ZNF835: variants seen among roughly 807,000 people sequenced by gnomAD.
The protein encoded by ZNF835 is zinc finger protein 835.
For synonymous variants in ZNF835, 323 were observed against 324.7 expected, an observed-to-expected ratio of 0.99 and a Z score of 0.06; for missense variants, 783 against 758.4, an observed-to-expected ratio of 1.03 and a Z score of -0.38.
At chr19:56,667,599 G>A (rs1390047931) in intron 1 of ZNF835, among the ~76,000 whole-genome samples, 2 of 152,228 alleles carry the variant, frequency 1.3e-5, no homozygotes, top group East Asian at 3.9e-4. Context: ...AGTAGGCTGT[G>A]TGCATACAGC....
In ZNF835 at chr19:56,664,616, G is replaced by C. The variant is rs1386409457; in HGVS notation, c.583C>G (p.Arg195Gly). The change falls in exon 2 of 2, where the codon CGC (arginine) becomes GGC (glycine). Residue 195 changes from arginine (R) to glycine (G), a missense_variant. By Grantham distance (125) the Arg-to-Gly change is moderately radical. Transcript: ENST00000537055. ...AAGGCCTTGCCGCAGTCGGCGCAGCGGTGCGGCTTCTCGCCCGTGTGCGTG... is the reference window on the plus strand; with the variant it reads ...AAGGCCTTGCCGCAGTCGGCGCAGCCGTGCGGCTTCTCGCCCGTGTGCGTG... The part of the protein sequence containing the change: ...WRTHTGEKPH[R>G]CADCGKAFTR... 1.2e-6 allele frequency: 2 copies of C among 1,604,228 alleles called. No homozygotes were observed. The highest frequency in any genetic ancestry group is 1.3e-5 in the African/African-American group (1 of 74,160).
rs2045247659 is a variant in ZNF835, at chr19:56,666,567, GT to G, written c.-47-1323del. Reference sequence around the variant, plus strand: ...TCTCAGACTCCCAGCCTCTAGCACTGTGAAGAAATAAGTGTTTATTGCTTCA... The same window carrying G: ...TCTCAGACTCCCAGCCTCTAGCACTGGAAGAAATAAGTGTTTATTGCTTCA... On this transcript the variant is annotated intron_variant, in intron 1 of 1. Transcript: ENST00000537055. Among the ~76,000 whole-genome samples, 5 of 152,310 alleles carry G rather than the reference GT, an allele frequency of 3.3e-5. No individual in the cohort carries two copies. The South Asian group carries it at 1.0e-3, about 32-fold the overall frequency.
chr19:56,663,846 G>T lies in ZNF835; in HGVS notation c.1353C>A (p.Cys451Ter). 6.2e-7 allele frequency: 1 copy of T among 1,613,690 alleles called. No individual in the cohort carries two copies. The highest frequency in any genetic ancestry group is 8.5e-7 in the Non-Finnish European group (1 of 1,179,944). Residue 451 changes from cysteine (C) to a stop codon, truncating the protein, a stop_gained, in exon 2 of 2, where the codon TGC (cysteine) becomes TGA (stop). Coordinates refer to ENST00000537055, the MANE Select transcript of ZNF835 (RefSeq NM_001005850.3). LOFTEE classifies it low-confidence loss of function (END_TRUNC). ...TGERPYTCPE[C>*]GKAFSNRSYL... is the part of the protein sequence containing the mutation. Reference sequence around the variant, plus strand: ...AGGAGCGGTTGCTGAAGGCCTTGCCGCACTCGGGGCAGGTGTAGGGCCGCT... The same window carrying T: ...AGGAGCGGTTGCTGAAGGCCTTGCCTCACTCGGGGCAGGTGTAGGGCCGCT...
rs777718864 is a variant in ZNF835 at position 56,664,799 on chromosome 19, C to T, written c.400G>A (p.Gly134Arg). Reference sequence around the variant, plus strand: ...TCGGGGCACGCAAATGGCTTCTCCCCGGTGTGGATTCTCTGGTGTAAGATG... The same window carrying T: ...TCGGGGCACGCAAATGGCTTCTCCCTGGTGTGGATTCTCTGGTGTAAGATG... ...AFILHQRIHT[G>R]EKPFACPECG... is the part of the protein sequence containing the mutation. The change falls in exon 2 of 2, where the codon GGG (glycine) becomes AGG (arginine). Residue 134 changes from glycine (G) to arginine (R), a missense_variant. Coordinates refer to ENST00000537055, the MANE Select transcript of ZNF835 (RefSeq NM_001005850.3). 15 of 1,611,176 alleles carry T rather than the reference C, an allele frequency of 9.3e-6. No individual in the cohort carries two copies. Among genetic ancestry groups the T allele is most frequent in the East Asian group, 8.9e-5 (4 of 44,826 alleles).
Position 56,663,791 on chromosome 19 carries a change from C to G in ZNF835, c.1408G>C (p.Gly470Arg). The G allele has an allele frequency of 1.2e-6, 2 of 1,614,070 alleles. No individual in the cohort carries two copies. Among genetic ancestry groups the G allele is most frequent in the Non-Finnish European group, 1.7e-6 (2 of 1,179,980 alleles). The change falls in exon 2 of 2, where the codon GGG becomes CGG. Residue 470 changes from glycine (G) to arginine (R), a missense_variant. By Grantham distance (125) the Gly-to-Arg change is moderately radical. Transcript: ENST00000537055. ...YLIQHHIVHT[G>R]EKPYECSGCG... is the part of the protein sequence containing the mutation. ...CCGCTGCACTCGTAGGGCTTCTCCC[C>G]GGTGTGCACGATGTGGTGCTGGATC...
At chr19:56,670,368 A>G (rs994586628) in intron 1 of ZNF835, among the ~76,000 whole-genome samples, 6 of 152,114 alleles carry the variant, frequency 3.9e-5, no homozygotes, top group African/African-American at 1.4e-4. Context: ...ACAGGGTCAT[A>G]CACAATCATA....
Position 56,665,174 on chromosome 19 carries a change from G to A in ZNF835, c.25C>T (p.Leu9Phe). The A allele has an allele frequency of 1.2e-6, 2 of 1,613,988 alleles. No homozygotes were observed. Among genetic ancestry groups the A allele is most frequent in the Non-Finnish European group, 1.7e-6 (2 of 1,179,886 alleles). The change falls in exon 2 of 2, where the codon CTC becomes TTC. Residue 9 changes from leucine (L) to phenylalanine (F), a missense_variant. Leu to Phe is a conservative substitution (Grantham distance 22, BLOSUM62 0). Coordinates refer to ENST00000537055, the MANE Select transcript of ZNF835 (RefSeq NM_001005850.3). MEGLLSVA[L>F]QGAELEGNWK... is the part of the protein sequence containing the mutation. ...TTTCCTTCCAACTCTGCGCCCTGGA[G>A]GGCGACGCTCAAGAGTCCCTCCATC...
Position 56,665,087 on chromosome 19 carries a change from C to CT in ZNF835, c.111dup (p.Glu38ArgfsTer19). Reference sequence around the variant, plus strand: ...GGGTCTCCCTTGCAGGCCACGGCCTCTGGCTCTGGACAGCTTTCCTGGTTT... The same window carrying CT: ...GGGTCTCCCTTGCAGGCCACGGCCTCTTGGCTCTGGACAGCTTTCCTGGTTT... On this transcript the variant is annotated frameshift_variant, in exon 2 of 2. Coordinates refer to ENST00000537055, the MANE Select transcript of ZNF835 (RefSeq NM_001005850.3). LOFTEE classifies it low-confidence loss of function (END_TRUNC). 1 of 1,614,024 alleles carries CT rather than the reference C, an allele frequency of 6.2e-7. No individual in the cohort carries two copies. The highest frequency in any genetic ancestry group is 2.2e-5 in the East Asian group (1 of 44,876).
At chr19:56,670,972 C>A (rs1258937185) in intron 1 of ZNF835, among the ~76,000 whole-genome samples, 2 of 152,394 alleles carry the variant, frequency 1.3e-5, no homozygotes, top group African/African-American at 4.8e-5. Flanking sequence ...GAGCACATAA[C>A]ACACCGATAA....
At chr19:56,665,338 T>C in intron 1 of ZNF835, 93 bp from the exon 2 acceptor site, 1 of 1,140,912 alleles carries the variant, frequency 8.8e-7, no homozygotes, top group Non-Finnish European at 1.3e-6. Flanking sequence ...GAACTTAGCA[T>C]GGGGTCCCTG....
chr19:56,668,406 C>G (rs2045263779), intron 1 of ZNF835, among the ~76,000 whole-genome samples: 1 of 142,262 alleles, frequency 7.0e-6, no homozygotes, highest in Admixed American at 7.5e-5. Flanking sequence ...TGCTCTGTTG[C>G]TCAGGCTGGA....
intron 1 of ZNF835, among the ~76,000 whole-genome samples, chr19:56,667,159 G>A (rs1330138401): frequency 1.3e-5 from 2 of 152,226 alleles, no homozygotes; most frequent in African/African-American, 2.4e-5. Flanking sequence ...CATAACAGAA[G>A]CCATACATAT....
At position 56,663,989 on chromosome 19, in the gene ZNF835, A is replaced by G. The variant is rs1453860233; in HGVS notation, c.1210T>C (p.Ser404Pro). 1.2e-6 allele frequency: 2 copies of G among 1,610,124 alleles called. No individual in the cohort carries two copies. Among genetic ancestry groups the G allele is most frequent in the Non-Finnish European group, 1.7e-6 (2 of 1,178,442 alleles). ...QCGAAFSHVS[S>P]LIEHQKIHTG... ...TGGATCTTCTGGTGCTCTATAAGCG[A>G]GGACACGTGGCTGAAGGCGGCCCCG... is the stretch of plus-strand genomic sequence containing the variant. The change falls in exon 2 of 2, where the codon TCG (serine) becomes CCG (proline). Residue 404 changes from serine to proline, a missense_variant. Ser to Pro is a moderately conservative substitution (Grantham distance 74). Transcript: ENST00000537055.
rs2045236947 is a variant in ZNF835, at chr19:56,665,390, T to TGGTG, written c.-47-149_-47-146dup. ...ACATTTTGGGTCCAATAATTTGGTG[T>TGGTG]GGTGGGACCCATCCTGTGTGTTGTG... On this transcript the variant is annotated intron_variant, in intron 1 of 1. Coordinates refer to ENST00000537055, the MANE Select transcript of ZNF835 (RefSeq NM_001005850.3). 137 of 818,736 alleles carry TGGTG rather than the reference T, an allele frequency of 1.7e-4. No homozygotes were observed. The South Asian group carries it at 1.8e-3, about 11-fold the overall frequency. 50.7% of individuals were successfully genotyped at this position (818,736 alleles called of 1,614,324 possible).
intron 1 of ZNF835, among the ~76,000 whole-genome samples, chr19:56,670,333 T>C (rs1312128023): frequency 1.3e-5 from 2 of 152,046 alleles, no homozygotes; most frequent in African/African-American, 4.8e-5. Flanking sequence ...GGAAGACACA[T>C]GCATTACATC....
rs546688706 is a variant in ZNF835, at chr19:56,663,378, C to T, written c.*207G>A. 7.7e-6 allele frequency: 5 copies of T among 645,944 alleles called. No homozygotes were observed. The highest frequency in any genetic ancestry group is 6.1e-5 in the South Asian group (3 of 49,254). 40.0% of individuals were successfully genotyped at this position (645,944 alleles called of 1,614,324 possible). Reference sequence around the variant, plus strand: ...AGGTGTTTCTGCAGGTCTACTTGCCCGTGCCCCATTTATAATTTTGCACCA... The same window carrying T: ...AGGTGTTTCTGCAGGTCTACTTGCCTGTGCCCCATTTATAATTTTGCACCA... On this transcript the variant is annotated 3_prime_UTR_variant, in exon 2 of 2. Coordinates refer to ENST00000537055, the MANE Select transcript of ZNF835 (RefSeq NM_001005850.3).
At position 56,664,448 on chromosome 19, in the gene ZNF835, C is replaced by G. The variant is rs562824788; in HGVS notation, c.751G>C (p.Glu251Gln). ...AAGGCCTTGGCGCACGCGGAGCACT[C>G]GTAGGGCTTCTCACCGGTGTGGATG... ...QRIHTGEKPY[E>Q]CSACAKAFRF... Residue 251 changes from glutamate (E) to glutamine (Q), a missense_variant, in exon 2 of 2, where the codon GAG becomes CAG. By Grantham distance (29) the Glu-to-Gln change is conservative. Coordinates refer to ENST00000537055, the MANE Select transcript of ZNF835 (RefSeq NM_001005850.3). The G allele has an allele frequency of 8.1e-6, 13 of 1,609,756 alleles. No homozygotes were observed. Among genetic ancestry groups the G allele is most frequent in the Admixed American group, 1.7e-5 (1 of 59,642 alleles).
Position 56,664,097 on chromosome 19 carries a change from C to T in ZNF835, c.1102G>A (p.Gly368Ser), listed in dbSNP as rs999116627. The change falls in exon 2 of 2, where the codon GGC becomes AGC. Residue 368 changes from glycine to serine, a missense_variant. Coordinates refer to ENST00000537055, the MANE Select transcript of ZNF835 (RefSeq NM_001005850.3). ...TGGGAGCGGTTGCTGAAGCGCTTGC[C>T]GCAGTCGTGGCAGGGGTAAGGCCGC... is the stretch of plus-strand genomic sequence containing the variant. ...GERPYPCHDC[G>S]KRFSNRSHLL... is the part of the protein sequence containing the mutation. The T allele has an allele frequency of 9.4e-6, 15 of 1,599,794 alleles. No homozygotes were observed. The highest frequency in any genetic ancestry group is 1.2e-5 in the Non-Finnish European group (14 of 1,170,404).
intron 1 of ZNF835, chr19:56,665,496 A>C (rs766284210): frequency 3.1e-6 from 2 of 639,714 alleles, no homozygotes; most frequent in Non-Finnish European, 5.9e-6. Flanking sequence ...TAACAATGAA[A>C]AATGTCTCCA....
Sources: allele counts gnomAD v4.1 joint callset (sites outside exome capture counted in the v4.1 genomes callset), GRCh38; gene constraint gnomAD v4.1.1; transcripts MANE v1.5; gene names NCBI Gene and HGNC (gene_info 2026-07-23, HGNC 2026-07-21).